ARHGAP25: variants seen among roughly 807,000 people sequenced by gnomAD.
The protein encoded by ARHGAP25 is Rho GTPase activating protein 25.
A neutral mutation model predicts 71.0 loss-of-function variants in ARHGAP25; 34 were observed. The ratio of observed to expected loss-of-function variants is 0.48; its 90% CI spans 0.36 to 0.64. The LOEUF (loss-of-function observed/expected upper bound fraction) is 0.64. ARHGAP25 is among the 30% of genes least tolerant of loss of function. The pLI is 0.00. For synonymous variants in ARHGAP25, 282 were observed against 296.5 expected, an observed-to-expected ratio of 0.95 and a Z score of 0.50; for missense variants, 706 against 805.1, an observed-to-expected ratio of 0.88 and a Z score of 1.49.
intron 1 of ARHGAP25, among the ~76,000 whole-genome samples, chr2:68,758,351 C>T (rs982364934): frequency 1.1e-4 from 17 of 151,874 alleles, no homozygotes; most frequent in African/African-American, 2.9e-4. Context: ...CCCACCTATA[C>T]GCTGTCTACA....
chr2:68,791,516 A>T (rs887683576), intron 4 of ARHGAP25, among the ~76,000 whole-genome samples: 10 of 151,678 alleles, frequency 6.6e-5, no homozygotes, highest in African/African-American at 2.4e-4. Flanking sequence ...GTCGGTGGTG[A>T]GTCTCGGTGG....
intron 1 of ARHGAP25, 82 bp downstream of exon 1, chr2:68,735,342 A>T: frequency 7.1e-7 from 1 of 1,407,940 alleles, no homozygotes; most frequent in East Asian, 2.3e-5. Flanking sequence ...CAGGGAGCAT[A>T]GTCTACTTAA....
chr2:68,760,919 C>T (rs1403562875), intron 1 of ARHGAP25, among the ~76,000 whole-genome samples: 2 of 150,306 alleles, frequency 1.3e-5, no homozygotes, highest in Admixed American at 6.6e-5. Context: ...CTCACATTTC[C>T]TATTTGAATC....
intron 4 of ARHGAP25, among the ~76,000 whole-genome samples, chr2:68,793,521 T>C (rs1679333964): frequency 6.6e-6 from 1 of 152,198 alleles, no homozygotes; most frequent in Non-Finnish European, 1.5e-5. Context: ...GAACCACTTA[T>C]TGAAAAGGGT....
chr2:68,778,055 A>G (rs1462181008), intron 2 of ARHGAP25, among the ~76,000 whole-genome samples: 2 of 152,162 alleles, frequency 1.3e-5, no homozygotes, highest in Non-Finnish European at 2.9e-5. Flanking sequence ...TATTATATGA[A>G]TGTTCCATAA....
rs545746393 is a variant in ARHGAP25 at position 68,782,074 on chromosome 2, T to A, written c.262-159T>A. 9.2e-5 allele frequency among the ~76,000 whole-genome samples: 14 copies of A among 152,300 alleles called. No individual in the cohort carries two copies. The South Asian group carries it at 2.9e-3, about 32-fold the overall frequency. On this transcript the variant is annotated intron_variant, in intron 2 of 10. Coordinates refer to ENST00000409202, the MANE Select transcript of ARHGAP25 (RefSeq NM_001007231.3). Reference sequence around the variant, plus strand: ...CCCTTTGATTTGCCCAAGGCCTGAGTAGCAGAAGGGGCCCCATTAAAACTG... The same window carrying A: ...CCCTTTGATTTGCCCAAGGCCTGAGAAGCAGAAGGGGCCCCATTAAAACTG...
At chr2:68,745,663 C>A (rs902469047) in intron 1 of ARHGAP25, among the ~76,000 whole-genome samples, 1 of 152,204 alleles carries the variant, frequency 6.6e-6, no homozygotes, top group South Asian at 2.1e-4. Flanking sequence ...GAGGTGGGCA[C>A]TCAACAGAGC....
chr2:68,821,662 A>G (rs1681680049), intron 9 of ARHGAP25, among the ~76,000 whole-genome samples: 1 of 152,194 alleles, frequency 6.6e-6, no homozygotes, highest in Non-Finnish European at 1.5e-5. Flanking sequence ...TGCTCATCTG[A>G]TAAGTGAGAA....
At chr2:68,743,111 C>T (rs1675604147) in intron 1 of ARHGAP25, among the ~76,000 whole-genome samples, 1 of 152,224 alleles carries the variant, frequency 6.6e-6, no homozygotes, top group African/African-American at 2.4e-5. Flanking sequence ...TGTGCTATGA[C>T]AGGAGCAGTT....
upstream of ARHGAP25, among the ~76,000 whole-genome samples, chr2:68,730,870 C>A (rs757847441): frequency 2.5e-4 from 38 of 152,150 alleles, no homozygotes; most frequent in Admixed American, 7.2e-4. Flanking sequence ...CTCACTCCCC[C>A]ACCTGGCTTC....
chr2:68,825,939 C>T, intron 10 of ARHGAP25, 48 bp from the exon 11 acceptor site: 1 of 1,521,634 alleles, frequency 6.6e-7, no homozygotes, highest in Non-Finnish European at 9.1e-7. Context: ...AAGGAAGAGT[C>T]TAGAATGAAT....
intron 4 of ARHGAP25, among the ~76,000 whole-genome samples, chr2:68,794,094 C>T (rs6546437): frequency 0.36 from 54,953 of 151,938 alleles, 10,016 homozygotes; most frequent in Admixed American, 0.38. Context: ...TATAGAAATG[C>T]TACTGATTTT....
At chr2:68,754,687 T>C (rs1186120166) in intron 1 of ARHGAP25, among the ~76,000 whole-genome samples, 1 of 152,260 alleles carries the variant, frequency 6.6e-6, no homozygotes, top group East Asian at 1.9e-4. Context: ...TGTATCATTT[T>C]ATGTTCCTAC....
rs771190403 is a variant in ARHGAP25 at position 68,822,532 on chromosome 2, A to G, written c.1393A>G (p.Ile465Val). The G allele has an allele frequency of 6.2e-7, 1 of 1,614,190 alleles. No homozygotes were observed. Reference protein sequence around the residue: ...FQGANSSKMEIFKNEFWSPSS... With the variant: ...FQGANSSKMEVFKNEFWSPSS... ...GGGTGCCAACAGCAGCAAAATGGAG[A>G]TCTTTAAAAATGAATTCTGGTCGCC... is the stretch of plus-strand genomic sequence containing the variant. Residue 465 changes from isoleucine (I) to valine (V), a missense_variant, in exon 10 of 11, where the codon ATC (isoleucine) becomes GTC (valine). By Grantham distance (29) the Ile-to-Val change is conservative. Coordinates refer to ENST00000409202, the MANE Select transcript of ARHGAP25 (RefSeq NM_001007231.3).
chr2:68,803,414 T>C (rs1268927616), intron 4 of ARHGAP25, among the ~76,000 whole-genome samples: 2 of 151,930 alleles, frequency 1.3e-5, no homozygotes, highest in African/African-American at 4.8e-5. Context: ...TGAAACCAGA[T>C]TGTGATGGGT....
chr2:68,791,972 C>G (rs990275598), intron 4 of ARHGAP25, among the ~76,000 whole-genome samples: 2 of 152,172 alleles, frequency 1.3e-5, no homozygotes, highest in Non-Finnish European at 2.9e-5. Context: ...TCATTCTCAG[C>G]TTACTCCTGC....
upstream of ARHGAP25, among the ~76,000 whole-genome samples, chr2:68,730,112 A>G (rs1216891831): frequency 6.6e-6 from 1 of 152,228 alleles, no homozygotes. Context: ...AAGGAAGATA[A>G]CGGTTTATAA....
chr2:68,812,339 T>A (rs1323327462), intron 5 of ARHGAP25, among the ~76,000 whole-genome samples: 5 of 152,198 alleles, frequency 3.3e-5, no homozygotes, highest in Non-Finnish European at 7.4e-5. Context: ...ATAGAGGCAG[T>A]GGGACAGATT....
chr2:68,801,271 A>G (rs1377968480), intron 4 of ARHGAP25, among the ~76,000 whole-genome samples: 2 of 152,186 alleles, frequency 1.3e-5, no homozygotes, highest in East Asian at 3.8e-4. Flanking sequence ...GGTGATATTT[A>G]AAGTGGTGAG....
Sources: gnomAD v4.1 joint callset for allele counts (sites outside exome capture counted in the v4.1 genomes callset) on GRCh38, gnomAD v4.1.1 for gene constraint, MANE v1.5 for transcripts, NCBI Gene and HGNC (gene_info 2026-07-23, HGNC 2026-07-21) for gene names.